TPCN1: variants seen among roughly 807,000 people sequenced by gnomAD.
The protein encoded by TPCN1 is two pore channel protein 1.
A neutral mutation model predicts 108.8 loss-of-function variants in TPCN1; 52 were observed. The ratio of observed to expected loss-of-function variants is 0.48; its 90% CI spans 0.38 to 0.60. TPCN1 has a LOEUF of 0.60. Among genes scored for constraint, TPCN1 ranks in the 20% least tolerant of loss-of-function variants. TPCN1 has a pLI of 0.00. For missense variants in TPCN1, 806 were observed against 1,072.8 expected (o/e 0.75, Z 3.47); for synonymous variants, 446 against 433.7 (o/e 1.03, Z -0.35).
chr12:113,229,194 A>C (rs1413444198), intron 2 of TPCN1, among the ~76,000 whole-genome samples: 1 of 152,220 alleles, frequency 6.6e-6, no homozygotes, highest in Non-Finnish European at 1.5e-5. Flanking sequence ...CTCAAGAATA[A>C]AGAAATGTAT....
rs376383692 is a variant in TPCN1 at position 113,296,082 on chromosome 12, C to T, written c.*6C>T. 32 of 1,612,030 alleles carry T rather than the reference C, an allele frequency of 2.0e-5. No individual in the cohort carries two copies. Among genetic ancestry groups the T allele is most frequent in the Non-Finnish European group, 2.3e-5 (27 of 1,178,944 alleles). On this transcript the variant is annotated 3_prime_UTR_variant, in exon 28 of 28. Coordinates refer to ENST00000335509, the MANE Select transcript of TPCN1 (RefSeq NM_017901.6). ...GCTCCCAGACCGTTACCTAGCCCAGCGCCCGAAAGCCGTCTCTTCTATGCA... is the reference window on the plus strand; with the variant it reads ...GCTCCCAGACCGTTACCTAGCCCAGTGCCCGAAAGCCGTCTCTTCTATGCA...
intron 14 of TPCN1, among the ~76,000 whole-genome samples, chr12:113,279,523 CG>C (rs1955819336): frequency 1.3e-5 from 2 of 148,958 alleles, no homozygotes; most frequent in Non-Finnish European, 3.0e-5. Context: ...CTCAGCCTCC[CG>C]AGTAGCTGGG....
chr12:113,278,763 G>T lies in TPCN1; in HGVS notation c.1234-9G>T, dbSNP rs1449962800. ...TGACACCCTCCCTCTTGGTCCTGTTGTCTACCAGGCCAAGAAAAACAGAGA... is the reference window on the plus strand; with the variant it reads ...TGACACCCTCCCTCTTGGTCCTGTTTTCTACCAGGCCAAGAAAAACAGAGA... On this transcript the variant is annotated splice_polypyrimidine_tract_variant and intron_variant, in intron 13 of 27. Coordinates refer to ENST00000335509, the MANE Select transcript of TPCN1 (RefSeq NM_017901.6). 1 of 1,613,866 alleles carries T rather than the reference G, an allele frequency of 6.2e-7. No homozygotes were observed. Among genetic ancestry groups the T allele is most frequent in the Non-Finnish European group, 8.5e-7 (1 of 1,179,812 alleles).
Position 113,284,500 on chromosome 12 carries a change from A to T in TPCN1, c.1343-81A>T. The T allele has an allele frequency of 6.5e-7, 1 of 1,529,224 alleles. No homozygotes were observed. The highest frequency in any genetic ancestry group is 9.0e-7 in the Non-Finnish European group (1 of 1,105,190). 94.7% of individuals were successfully genotyped at this position (1,529,224 alleles called of 1,614,324 possible). ...CCATCCCGTAGAGCTCCAGGAAGTT[A>T]ACCAGGGACTTCAGCTGCGACCTGC... is the stretch of plus-strand genomic sequence containing the variant. On this transcript the variant is annotated intron_variant, in intron 15 of 27. Coordinates refer to ENST00000335509, the MANE Select transcript of TPCN1 (RefSeq NM_017901.6). The surrounding 1 kb of genome is among the most constrained non-coding windows in gnomAD (Gnocchi z 4.1).
intron 2 of TPCN1, among the ~76,000 whole-genome samples, chr12:113,230,579 A>G (rs774911287): frequency 4.6e-5 from 7 of 151,956 alleles, no homozygotes; most frequent in Non-Finnish European, 1.0e-4. Flanking sequence ...ATTGGATTAG[A>G]GCTCATCCAT....
chr12:113,223,254 C>G (rs973824567), intron 1 of TPCN1, among the ~76,000 whole-genome samples: 29 of 152,182 alleles, frequency 1.9e-4, no homozygotes, highest in Non-Finnish European at 4.4e-5. Flanking sequence ...GTACTGTTCC[C>G]TGTGGATGCA....
intron 3 of TPCN1, 102 bp downstream of exon 3, chr12:113,260,594 T>C: frequency 7.2e-7 from 1 of 1,379,504 alleles, no homozygotes; most frequent in Non-Finnish European, 9.7e-7. Context: ...CCAGCATCAG[T>C]TCATGCTGCT....
At chr12:113,223,213 G>A (rs1953324974) in intron 1 of TPCN1, among the ~76,000 whole-genome samples, 1 of 152,222 alleles carries the variant, frequency 6.6e-6, no homozygotes, top group Non-Finnish European at 1.5e-5. Context: ...GTAGAATGAT[G>A]TTTACTTTCG....
intron 3 of TPCN1, among the ~76,000 whole-genome samples, chr12:113,263,344 A>G (rs775764637): frequency 1.9e-4 from 29 of 152,058 alleles, no homozygotes; most frequent in Non-Finnish European, 2.6e-4. Flanking sequence ...GCTCGCTGCA[A>G]CCTCCTCCCA....
chr12:113,226,846 A>G lies in TPCN1; in HGVS notation c.-7A>G. Reference sequence around the variant, plus strand: ...ATCATATCCTGAGGGCCACAGGAGAAGAGAACATGGCTGTGAGTTTGGATG... The same window carrying G: ...ATCATATCCTGAGGGCCACAGGAGAGGAGAACATGGCTGTGAGTTTGGATG... On this transcript the variant is annotated 5_prime_UTR_variant, in exon 2 of 28. Transcript: ENST00000335509. 6.2e-7 allele frequency: 1 copy of G among 1,613,818 alleles called. No individual in the cohort carries two copies. The highest frequency in any genetic ancestry group is 1.7e-5 in the Admixed American group (1 of 60,012).
Position 113,284,837 on chromosome 12 carries a change from G to C in TPCN1, c.1453+66G>C. On this transcript the variant is annotated intron_variant, in intron 17 of 27. Coordinates refer to ENST00000335509, the MANE Select transcript of TPCN1 (RefSeq NM_017901.6). The surrounding 1 kb of genome is among the most constrained non-coding windows in gnomAD (Gnocchi z 4.1). ...AATTGTCTGGGAGAACTTTCATTCA[G>C]TGTAGAACCTCATGGTTCTTCTCTA... 6.5e-7 allele frequency: 1 copy of C among 1,532,684 alleles called. No individual in the cohort carries two copies. The highest frequency in any genetic ancestry group is 9.0e-7 in the Non-Finnish European group (1 of 1,106,344). The allele number at this position is 1,532,684 out of a possible 1,614,324, so 94.9% of individuals were successfully genotyped here.
At chr12:113,282,167 T>G (rs1309240500) in intron 15 of TPCN1, among the ~76,000 whole-genome samples, 1 of 148,594 alleles carries the variant, frequency 6.7e-6, no homozygotes, top group Non-Finnish European at 1.5e-5. Context: ...CTCGGCTCAC[T>G]GCAAGCTCCG....
chr12:113,238,172 C>T (rs983885992), intron 2 of TPCN1, among the ~76,000 whole-genome samples: 2 of 152,164 alleles, frequency 1.3e-5, no homozygotes, highest in African/African-American at 4.8e-5. Flanking sequence ...GCCACACTTC[C>T]GGTATTGAGG....
chr12:113,249,045 T>A (rs1041189902), intron 2 of TPCN1, among the ~76,000 whole-genome samples: 2 of 152,046 alleles, frequency 1.3e-5, no homozygotes, highest in Non-Finnish European at 2.9e-5. Flanking sequence ...AGGAGGAGCC[T>A]CCTGATTCCT....
chr12:113,296,598 A>G lies in TPCN1; in HGVS notation c.*522A>G, dbSNP rs1956436580. 1 of 153,808 alleles carries G rather than the reference A, an allele frequency of 6.5e-6. No individual in the cohort carries two copies. Among genetic ancestry groups the G allele is most frequent in the Non-Finnish European group, 1.4e-5 (1 of 69,046 alleles). The allele number at this position is 153,808 out of a possible 1,614,324, so 9.5% of individuals were successfully genotyped here. On this transcript the variant is annotated 3_prime_UTR_variant, in exon 28 of 28. Coordinates refer to ENST00000335509, the MANE Select transcript of TPCN1 (RefSeq NM_017901.6). ...TCAGTGTCTGTGATAATGTCACGCAACACCTCTTCGGGGACCAGTGCCCAG... is the reference window on the plus strand; with the variant it reads ...TCAGTGTCTGTGATAATGTCACGCAGCACCTCTTCGGGGACCAGTGCCCAG...
intron 2 of TPCN1, among the ~76,000 whole-genome samples, chr12:113,229,024 A>G (rs1394727448): frequency 5.9e-5 from 9 of 152,176 alleles, no homozygotes; most frequent in Admixed American, 5.9e-4. Context: ...TTCCTGTGGG[A>G]TGAAAGGGGC....
Position 113,268,995 on chromosome 12 carries a change from C to T in TPCN1, c.659+123C>T, listed in dbSNP as rs1231021928. 1.7e-5 allele frequency: 18 copies of T among 1,085,660 alleles called. No individual in the cohort carries two copies. Among genetic ancestry groups the T allele is most frequent in the Middle Eastern group, 2.3e-4 (1 of 4,362 alleles). The allele number at this position is 1,085,660 out of a possible 1,614,324, so 67.3% of individuals were successfully genotyped here. On this transcript the variant is annotated intron_variant, in intron 6 of 27. Coordinates refer to ENST00000335509, the MANE Select transcript of TPCN1 (RefSeq NM_017901.6). This position sits in a 1 kb window ranked among gnomAD's most constrained non-coding sequence, Gnocchi z 7.3. ...CGACCCTGCATGCTGGTGGAGTACA[C>T]GCAGACTCACTCTCCCTCTGCCATT...
chr12:113,290,990 A>G lies in TPCN1; in HGVS notation c.1951A>G (p.Ile651Val). The change falls in exon 23 of 28, where the codon ATC (isoleucine) becomes GTC (valine). Residue 651 changes from isoleucine (I) to valine (V), a missense_variant. Physicochemically the swap from Ile to Val is conservative, Grantham distance 29. Coordinates refer to ENST00000335509, the MANE Select transcript of TPCN1 (RefSeq NM_017901.6). ...GCTCACAGTTGTCAACAACTGGTAC[A>G]TCATCATGGTAAGAGCTCGGGCAGC... ...FELTVVNNWY[I>V]IMEGVTSQTS... The G allele has an allele frequency of 2.5e-6, 4 of 1,613,770 alleles. No individual in the cohort carries two copies. The highest frequency in any genetic ancestry group is 2.2e-5 in the South Asian group (2 of 91,066).
intron 2 of TPCN1, among the ~76,000 whole-genome samples, chr12:113,249,109 C>A (rs888048114): frequency 6.6e-6 from 1 of 152,176 alleles, no homozygotes; most frequent in Non-Finnish European, 1.5e-5. Context: ...CATTCAGCAC[C>A]GGTATGGCCA....
Sources: allele counts gnomAD v4.1 joint callset (sites outside exome capture counted in the v4.1 genomes callset), GRCh38; gene constraint gnomAD v4.1.1; non-coding constraint Gnocchi (gnomAD v3.1); transcripts MANE v1.5; gene names NCBI Gene and HGNC (gene_info 2026-07-23, HGNC 2026-07-21).